Variants in PRX observed in about 807,000 individuals in gnomAD.
The protein encoded by PRX is periaxin.
A neutral mutation model predicts 29.6 loss-of-function variants in PRX; 24 were observed. That is an observed-to-expected ratio of 0.81 (90% confidence interval 0.59 to 1.14). The LOEUF is 1.14. Among genes scored for constraint, PRX ranks in the 50% most tolerant of loss-of-function variants. The pLI is 0.00. For synonymous variants in PRX, 772 were observed against 831.7 expected, an observed-to-expected ratio of 0.93 and a Z score of 1.24; for missense variants, 1,838 against 1,926.4, an observed-to-expected ratio of 0.95 and a Z score of 0.86.
chr19:40,393,939 G>A lies in PRX; in HGVS notation c.*27C>T. On this transcript the variant is annotated 3_prime_UTR_variant, in exon 7 of 7. Transcript: ENST00000324001. ...CGAGGGGGTAGAGAAAGGAAGGCAAGAAGGGATCCCCATCTGACTAGGGGC... is the reference window on the plus strand; with the variant it reads ...CGAGGGGGTAGAGAAAGGAAGGCAAAAAGGGATCCCCATCTGACTAGGGGC... 1 of 1,607,308 alleles carries A rather than the reference G, an allele frequency of 6.2e-7. No individual in the cohort carries two copies. The highest frequency in any genetic ancestry group is 8.5e-7 in the Non-Finnish European group (1 of 1,179,654).
At position 40,395,903 on chromosome 19, in the gene PRX, G is replaced by C; in HGVS notation, c.2449C>G (p.Arg817Gly). 6.2e-7 allele frequency: 1 copy of C among 1,614,154 alleles called. No individual in the cohort carries two copies. The highest frequency in any genetic ancestry group is 8.5e-7 in the Non-Finnish European group (1 of 1,180,044). Residue 817 changes from arginine (R) to glycine (G), a missense_variant, in exon 7 of 7, where the codon CGT becomes GGT. Arg to Gly is a moderately radical substitution (Grantham distance 125). This residue lies in a region of PRX where 1,143 missense variants were observed against 1,193.0 expected (regional missense o/e 0.96). Coordinates refer to ENST00000324001, the MANE Select transcript of PRX (RefSeq NM_181882.3). ...PKLGRAESPS[R>G]GKPGEAGAEV... ...GCACCCGCCTCGCCTGGCTTGCCAC[G>C]TGATGGGGACTCTGCCCTCCCTAGC...
At chr19:40,412,503 G>A (rs1432883586) in intron 1 of PRX, among the ~76,000 whole-genome samples, 3 of 152,156 alleles carry the variant, frequency 2.0e-5, no homozygotes, top group African/African-American at 4.8e-5. Context: ...GACAGCAACA[G>A]GGAGAGTATG....
chr19:40,411,102 G>A (rs1405134340), intron 1 of PRX, among the ~76,000 whole-genome samples: 1 of 152,108 alleles, frequency 6.6e-6, no homozygotes, highest in Non-Finnish European at 1.5e-5. Flanking sequence ...GGCTCACAGA[G>A]GGGTCACCCA....
chr19:40,405,902 G>T (rs1317927431), intron 4 of PRX, among the ~76,000 whole-genome samples: 1 of 151,356 alleles, frequency 6.6e-6, no homozygotes, highest in Non-Finnish European at 1.5e-5. Context: ...TTCCCAGAGT[G>T]CTGAGATGAC....
At chr19:40,410,013 G>T (rs1181284031) in intron 1 of PRX, among the ~76,000 whole-genome samples, 1 of 152,070 alleles carries the variant, frequency 6.6e-6, no homozygotes. Flanking sequence ...ATACCTGATG[G>T]GTACTGAGTG....
intron 4 of PRX, among the ~76,000 whole-genome samples, chr19:40,404,260 G>C (rs1056381898): frequency 6.6e-6 from 1 of 152,164 alleles, no homozygotes; most frequent in Non-Finnish European, 1.5e-5. Context: ...TCCGCGGGCC[G>C]GCTGGCCTCT....
chr19:40,410,047 C>G (rs550465434), intron 1 of PRX, among the ~76,000 whole-genome samples: 1 of 152,278 alleles, frequency 6.6e-6, no homozygotes, highest in East Asian at 1.9e-4. Flanking sequence ...GGCCCCCGTG[C>G]TAAGACCTTC....
chr19:40,409,631 C>G (rs934497258), intron 1 of PRX, among the ~76,000 whole-genome samples: 21 of 152,050 alleles, frequency 1.4e-4, no homozygotes, highest in African/African-American at 5.1e-4. Flanking sequence ...CACCACCACG[C>G]CTGGCTACTT....
intron 4 of PRX, among the ~76,000 whole-genome samples, chr19:40,404,276 G>A (rs1221245144): frequency 6.6e-6 from 1 of 152,158 alleles, no homozygotes; most frequent in Non-Finnish European, 1.5e-5. Flanking sequence ...CCTCTCCGAG[G>A]CCCTGGAGCG....
chr19:40,412,116 C>G (rs1465508219), intron 1 of PRX, among the ~76,000 whole-genome samples: 1 of 152,232 alleles, frequency 6.6e-6, no homozygotes, highest in Non-Finnish European at 1.5e-5. Context: ...GGCCCTCTTT[C>G]CCTGGTGACT....
In PRX at chr19:40,400,824, G is replaced by A. The variant is rs76905008; in HGVS notation, c.185-2008C>T. ...TCTACATGCTCAAGTCACCCCTTGG[G>A]AATTCTTGGGAAGTTCATCCAGATT... is the stretch of plus-strand genomic sequence containing the variant. On this transcript the variant is annotated intron_variant, in intron 5 of 6. Transcript: ENST00000324001. Among the ~76,000 whole-genome samples, 800 of 152,160 alleles carry A rather than the reference G, an allele frequency of 5.3e-3. 8 individuals carry two copies. The highest frequency in any genetic ancestry group is 0.018 in the African/African-American group (757 of 41,506).
Position 40,394,642 on chromosome 19 carries a change from GCCGCCTCGC to G in PRX, c.3701_3709del (p.Gly1234_Ala1236del). 1.9e-6 allele frequency: 3 copies of G among 1,607,156 alleles called. No homozygotes were observed. Among genetic ancestry groups the G allele is most frequent in the Non-Finnish European group, 2.5e-6 (3 of 1,179,770 alleles). ...CAGCCTCAGCCCACCCTCGCCTGTGGCCGCCTCGCCCGCCTGTGCCTCTCGGCTTAGCCC... is the reference window on the plus strand; with the variant it reads ...CAGCCTCAGCCCACCCTCGCCTGTGGCCGCCTGTGCCTCTCGGCTTAGCCC... On this transcript the variant is annotated inframe_deletion, in exon 7 of 7. Transcript: ENST00000324001. This position sits in a 1 kb window ranked among gnomAD's most constrained non-coding sequence, Gnocchi z 5.8.
intron 5 of PRX, 123 bp downstream of exon 5, chr19:40,403,583 C>G (rs2079510638): frequency 1.6e-6 from 2 of 1,250,294 alleles, no homozygotes; most frequent in East Asian, 2.6e-5. Context: ...AAGCCCTTAA[C>G]CCCTCCTGGT....
At position 40,398,945 on chromosome 19, in the gene PRX, G is replaced by A; in HGVS notation, c.185-129C>T. 1 of 1,520,676 alleles carries A rather than the reference G, an allele frequency of 6.6e-7. No individual in the cohort carries two copies. The highest frequency in any genetic ancestry group is 8.8e-7 in the Non-Finnish European group (1 of 1,133,268). The allele number at this position is 1,520,676 out of a possible 1,614,324, so 94.2% of individuals were successfully genotyped here. A position where few individuals can be genotyped will look rare whatever the true frequency, so the allele number is the denominator to read the frequency against. ...AATTTTAGTTTCTCCAATCCCCAGC[G>A]CAGGATTAAGTCGCAGTTACGCTAG... is the stretch of plus-strand genomic sequence containing the variant. On this transcript the variant is annotated intron_variant, in intron 5 of 6. Coordinates refer to ENST00000324001, the MANE Select transcript of PRX (RefSeq NM_181882.3). The surrounding 1 kb of genome is among the most constrained non-coding windows in gnomAD (Gnocchi z 6.3).
Position 40,394,910 on chromosome 19 carries a change from G to T in PRX, c.3442C>A (p.Leu1148Met). ...TCCACCTGTGGCAGGGAGATGCCCA[G>T]CGGAGGCATCCTCAGCCCCGCGTCA... ...GHDAGLRMPP[L>M]GISLPQVELT... The change falls in exon 7 of 7, where the codon CTG becomes ATG. Residue 1148 changes from leucine (L) to methionine (M), a missense_variant. This residue lies in a region of PRX where 1,143 missense variants were observed against 1,193.0 expected (regional missense o/e 0.96). Transcript: ENST00000324001. The surrounding 1 kb of genome is among the most constrained non-coding windows in gnomAD (Gnocchi z 5.8). The T allele has an allele frequency of 6.2e-7, 1 of 1,610,510 alleles. No homozygotes were observed.
At position 40,395,361 on chromosome 19, in the gene PRX, G is replaced by A. The variant is rs779042943; in HGVS notation, c.2991C>T (p.Ser997=). Residue 997 remains serine, a synonymous_variant, in exon 7 of 7, where the codon AGC becomes AGT. Transcript: ENST00000324001. The part of the protein sequence containing the change: ...PALDLSIPQL[S]LDAHLPSGKV... ...TGCCTGAGGGCAGGTGGGCATCCAG[G>A]CTGAGCTGTGGGATGGACAGATCGA... The A allele has an allele frequency of 5.6e-6, 9 of 1,613,632 alleles. No individual in the cohort carries two copies. Among genetic ancestry groups the A allele is most frequent in the East Asian group, 4.5e-5 (2 of 44,838 alleles).
intron 5 of PRX, among the ~76,000 whole-genome samples, chr19:40,399,878 T>TCTTTCTTTCTTA (rs1392357446): frequency 2.9e-5 from 2 of 68,018 alleles, no homozygotes; most frequent in African/African-American, 9.1e-5. Flanking sequence ...TTTCTTTCTT[T>TCTTTCTTTCTTA]CTTTCTTTCT....
At position 40,394,229 on chromosome 19, in the gene PRX, G is replaced by A. The variant is rs1049231899; in HGVS notation, c.4123C>T (p.Arg1375Trp). Reference sequence around the variant, plus strand: ...AGGCCTACACGTGGCAAGCGGACCCGGACCCGGCCCCGGCGACCCGAGGCC... The same window carrying A: ...AGGCCTACACGTGGCAAGCGGACCCAGACCCGGCCCCGGCGACCCGAGGCC... Reference protein sequence around the residue: ...EGASGRRGRVRVRLPRVGLAA... With the variant: ...EGASGRRGRVWVRLPRVGLAA... Residue 1375 changes from arginine to tryptophan, a missense_variant, in exon 7 of 7, where the codon CGG becomes TGG. Coordinates refer to ENST00000324001, the MANE Select transcript of PRX (RefSeq NM_181882.3). The surrounding 1 kb of genome is among the most constrained non-coding windows in gnomAD (Gnocchi z 5.8). 29 of 1,603,324 alleles carry A rather than the reference G, an allele frequency of 1.8e-5. No individual in the cohort carries two copies. The highest frequency in any genetic ancestry group is 4.5e-5 in the East Asian group (2 of 44,554).
Position 40,408,455 on chromosome 19 carries a change from G to A in PRX, c.-242-72C>T, listed in dbSNP as rs904485061. 6.1e-5 allele frequency: 12 copies of A among 196,760 alleles called. No homozygotes were observed. In the Admixed American group the frequency reaches 6.3e-4, roughly 10 times the overall value. 12.2% of individuals were successfully genotyped at this position (196,760 alleles called of 1,614,324 possible). ...GACTTCCTGAGTGCCTGACCCTGCT[G>A]CGTTCTGCTGATACCCTATCCCCGT... On this transcript the variant is annotated intron_variant, in intron 1 of 6. Coordinates refer to ENST00000324001, the MANE Select transcript of PRX (RefSeq NM_181882.3).
Sources: gnomAD v4.1 joint callset for allele counts (sites outside exome capture counted in the v4.1 genomes callset) on GRCh38, gnomAD v4.1.1 for gene constraint, gnomAD v4.1.1 regional missense constraint, Gnocchi (gnomAD v3.1) non-coding constraint, MANE v1.5 for transcripts, NCBI Gene and HGNC (gene_info 2026-07-23, HGNC 2026-07-21) for gene names.